The following LYST variants were observed in gnomAD, a reference collection of about 807,000 sequenced individuals.
The protein encoded by LYST is lysosomal-trafficking regulator.
In LYST, 192 loss-of-function variants were observed where a neutral mutation model predicts 413.6. The observed-to-expected ratio is 0.46, with a 90% confidence interval of 0.41 to 0.52. The LOEUF (loss-of-function observed/expected upper bound fraction) is 0.52. Ranked by LOEUF, LYST falls within the 20% of genes least tolerant of loss-of-function variation. The probability of loss-of-function intolerance (pLI) is 0.00; values close to 1 mark genes in which losing one functional copy is unlikely to be tolerated. For synonymous variants in LYST, 1,525 were observed against 1,567.3 expected, an observed-to-expected ratio of 0.97 and a Z score of 0.64; for missense variants, 3,815 against 4,499.9, an observed-to-expected ratio of 0.85 and a Z score of 4.35.
upstream of LYST, among the ~76,000 whole-genome samples, chr1:235,867,584 A>G (rs1349656294): frequency 1.3e-5 from 2 of 152,198 alleles, no homozygotes; most frequent in African/African-American, 4.8e-5. Context: ...GCGCACTGTC[A>G]GTGTCATATG....
intron 1 of LYST, among the ~76,000 whole-genome samples, chr1:235,857,674 TGTGCGC>T (rs955759613): frequency 2.0e-5 from 3 of 151,194 alleles, no homozygotes; most frequent in African/African-American, 7.3e-5. Flanking sequence ...TGTGGGTGTG[TGTGCGC>T]GTGTGCACAC....
intron 1 of LYST, among the ~76,000 whole-genome samples, chr1:235,856,526 T>C (rs1020600546): frequency 8.5e-5 from 13 of 152,346 alleles, no homozygotes; most frequent in Admixed American, 2.0e-4. Flanking sequence ...TCAGAAAATG[T>C]AGTAAGTATC....
At chr1:235,835,797 C>T (rs1464735911) in intron 1 of LYST, among the ~76,000 whole-genome samples, 2 of 152,200 alleles carry the variant, frequency 1.3e-5, no homozygotes, top group African/African-American at 2.4e-5. Flanking sequence ...TAGACACACC[C>T]TGTAGTTACT....
At position 235,773,726 on chromosome 1, in the gene LYST, A is replaced by G. The variant is rs1235828475; in HGVS notation, c.5784+116T>C. 4 of 812,610 alleles carry G rather than the reference A, an allele frequency of 4.9e-6. No homozygotes were observed. The African/African-American group carries it at 5.1e-5, about 10-fold the overall frequency. The allele number at this position is 812,610 out of a possible 1,614,324, so 50.3% of individuals were successfully genotyped here. On this transcript the variant is annotated intron_variant, in intron 19 of 52. Coordinates refer to ENST00000389793, the MANE Select transcript of LYST (RefSeq NM_000081.4). The stretch of plus-strand genomic sequence containing the variant: ...TGGATGGTGGTGATGGTTGGACAAC[A>G]CTGTAAATGCACTTAATGCCACTGA...
At chr1:235,770,377 CA>C in intron 19 of LYST, 80 bp from the exon 20 acceptor site, 1 of 1,238,940 alleles carries the variant, frequency 8.1e-7, no homozygotes, top group Non-Finnish European at 1.2e-6. Context: ...ACACAACGCG[CA>C]ACAATTTAAC....
intron 42 of LYST, among the ~76,000 whole-genome samples, chr1:235,714,962 A>G (rs1662708471): frequency 1.3e-5 from 2 of 152,218 alleles, no homozygotes; most frequent in South Asian, 4.1e-4. Context: ...TAAAAAGTGA[A>G]TTGCATTTTT....
At chr1:235,817,809 T>C (rs1183652116) in intron 3 of LYST, among the ~76,000 whole-genome samples, 2 of 151,904 alleles carry the variant, frequency 1.3e-5, no homozygotes, top group Non-Finnish European at 2.9e-5. Context: ...CCAAACCCCA[T>C]GACATGCAAT....
chr1:235,692,206 G>A (rs183154857), intron 47 of LYST, among the ~76,000 whole-genome samples: 2 of 151,516 alleles, frequency 1.3e-5, no homozygotes, highest in Admixed American at 6.6e-5. Flanking sequence ...GGTGGCACAT[G>A]CCTGTAGTCC....
Position 235,800,840 on chromosome 1 carries a change from T to A in LYST, c.3939+31A>T, listed in dbSNP as rs74148828. The A allele has an allele frequency of 8.6e-3, 12,355 of 1,432,990 alleles. 821 individuals carry two copies. The African/African-American group carries it at 0.15, about 17-fold the overall frequency. 88.8% of individuals were successfully genotyped at this position (1,432,990 alleles called of 1,614,324 possible). ...TATTGGGTGATGAGTCTGATAAATATTGATCACATTTAACTAAATGAATTT... is the reference window on the plus strand; with the variant it reads ...TATTGGGTGATGAGTCTGATAAATAATGATCACATTTAACTAAATGAATTT... On this transcript the variant is annotated intron_variant, in intron 9 of 52. Transcript: ENST00000389793.
At chr1:235,798,151 A>G (rs539882963) in intron 10 of LYST, among the ~76,000 whole-genome samples, 3 of 152,300 alleles carry the variant, frequency 2.0e-5, no homozygotes, top group African/African-American at 7.2e-5. Context: ...CAAGGCTAAC[A>G]AAAACAAGGA....
rs376134468 is a variant in LYST, at chr1:235,805,999, T to C, written c.3137A>G (p.Asp1046Gly). The change falls in exon 6 of 53, where the codon GAC (aspartate) becomes GGC (glycine). Residue 1046 changes from aspartate to glycine, a missense_variant. Transcript: ENST00000389793. Reference protein sequence around the residue: ...EDLLSLAIKSDPIPSELGSLK... With the variant: ...EDLLSLAIKSGPIPSELGSLK... ...ACTACCTAGTTCTGATGGTATGGGG[T>C]CACTTTTTATAGCCAAAGATAATAA... The C allele has an allele frequency of 2.2e-5, 36 of 1,613,806 alleles. No homozygotes were observed. The African/African-American group carries it at 4.8e-4, about 22-fold the overall frequency.
At chr1:235,857,034 C>T (rs1679271516) in intron 1 of LYST, among the ~76,000 whole-genome samples, 1 of 150,880 alleles carries the variant, frequency 6.6e-6, no homozygotes, top group African/African-American at 2.4e-5. Context: ...CAGCCTCCAC[C>T]TCCTAGGTTC....
Position 235,752,179 on chromosome 1 carries a change from TAAC to T in LYST, c.7461-11_7461-9del, listed in dbSNP as rs777633676. The T allele has an allele frequency of 6.6e-5, 105 of 1,595,202 alleles. No individual in the cohort carries two copies. The highest frequency in any genetic ancestry group is 8.3e-5 in the Non-Finnish European group (97 of 1,164,678). ...TATTCACTCATGGGAATGCTAAAGATAACAACAAAAGAAGAAAACAGAACATTT... is the reference window on the plus strand; with the variant it reads ...TATTCACTCATGGGAATGCTAAAGATAACAAAAGAAGAAAACAGAACATTT... On this transcript the variant is annotated splice_polypyrimidine_tract_variant and intron_variant, in intron 26 of 52. Coordinates refer to ENST00000389793, the MANE Select transcript of LYST (RefSeq NM_000081.4).
intron 40 of LYST, among the ~76,000 whole-genome samples, chr1:235,718,721 A>C (rs1229458167): frequency 2.6e-5 from 4 of 152,182 alleles, no homozygotes; most frequent in African/African-American, 9.7e-5. Flanking sequence ...TTCCCTCATC[A>C]ACTAGGACTA....
At position 235,709,761 on chromosome 1, in the gene LYST, G is replaced by A. The variant is rs1327763284; in HGVS notation, c.9926-453C>T. On this transcript the variant is annotated intron_variant, in intron 43 of 52. Coordinates refer to ENST00000389793, the MANE Select transcript of LYST (RefSeq NM_000081.4). ...TTAAGATTATATTTAGTAAATATTAGTATTCTATAGTTTAAAAACTCAACT... is the reference window on the plus strand; with the variant it reads ...TTAAGATTATATTTAGTAAATATTAATATTCTATAGTTTAAAAACTCAACT... 1.3e-5 allele frequency among the ~76,000 whole-genome samples: 2 copies of A among 149,842 alleles called. 1 individual carries two copies. The highest frequency in any genetic ancestry group is 5.1e-5 in the African/African-American group (2 of 39,330).
intron 7 of LYST, among the ~76,000 whole-genome samples, chr1:235,804,000 T>G (rs1672538331): frequency 6.6e-6 from 1 of 152,146 alleles, no homozygotes; most frequent in South Asian, 2.1e-4. Flanking sequence ...TTACAACAGT[T>G]GTTTTAGGAA....
intron 47 of LYST, among the ~76,000 whole-genome samples, chr1:235,692,609 C>A (rs1456371673): frequency 2.0e-5 from 3 of 151,918 alleles, no homozygotes; most frequent in Non-Finnish European, 4.4e-5. Context: ...GTCTTGAACT[C>A]CTGACCTCAG....
intron 15 of LYST, 50 bp downstream of exon 15, chr1:235,781,877 C>T (rs556056126): frequency 3.1e-6 from 4 of 1,270,616 alleles, no homozygotes; most frequent in Non-Finnish European, 4.6e-6. Context: ...AAAAAAATCT[C>T]ACTCTGTCGC....
chr1:235,737,917 G>GGA, intron 31 of LYST: 1 of 1,160,142 alleles, frequency 8.6e-7, no homozygotes, highest in Non-Finnish European at 1.1e-6. Flanking sequence ...CTGCCGACGA[G>GGA]TCTGGATCTC....
Sources: gnomAD v4.1 joint callset for allele counts (sites outside exome capture counted in the v4.1 genomes callset) on GRCh38, gnomAD v4.1.1 for gene constraint, MANE v1.5 for transcripts, NCBI Gene and HGNC (gene_info 2026-07-23, HGNC 2026-07-21) for gene names.